The following LRP5 variants were observed in gnomAD, a reference collection of about 807,000 sequenced individuals.
LRP5 encodes low-density lipoprotein receptor-related protein 5.
In LRP5, 62 loss-of-function variants were observed where a neutral mutation model predicts 154.1. The ratio of observed to expected loss-of-function variants is 0.40; its 90% CI spans 0.33 to 0.50. The LOEUF is 0.50. Among genes scored for constraint, LRP5 ranks in the 20% least tolerant of loss-of-function variants. The pLI, the probability that LRP5 is intolerant of heterozygous loss-of-function variation, is 0.55. For synonymous variants in LRP5, 966 were observed against 1,011.5 expected (o/e 0.96, Z 0.85); for missense variants, 1,915 against 2,336.7 (o/e 0.82, Z 3.72).
At chr11:68,420,244 A>G (rs1372606650) in intron 13 of LRP5, among the ~76,000 whole-genome samples, 3 of 152,278 alleles carry the variant, frequency 2.0e-5, no homozygotes, top group Admixed American at 6.5e-5. Flanking sequence ...GACAGCCACC[A>G]TTCTACTTTG....
In LRP5 at chr11:68,382,445, C is replaced by A. The variant is rs184786008; in HGVS notation, c.1016-3871C>A. 3.4e-3 allele frequency among the ~76,000 whole-genome samples: 520 copies of A among 152,328 alleles called. 3 individuals carry two copies. Among genetic ancestry groups the A allele is most frequent in the African/African-American group, 0.012 (499 of 41,578 alleles). On this transcript the variant is annotated intron_variant, in intron 5 of 22. Transcript: ENST00000294304. ...GACCTCTCAATCTCAGCAGGCCCCC[C>A]ACACAGACCCCATAACCCTAGTCTG...
intron 1 of LRP5, among the ~76,000 whole-genome samples, chr11:68,314,796 AC>A (rs1229847394): frequency 3.3e-5 from 5 of 152,242 alleles, no homozygotes. Context: ...AGTGGGGTTA[AC>A]CAAGTGCTGT....
In LRP5 at chr11:68,315,019, C is replaced by CG. The variant is rs1263192402; in HGVS notation, c.91+2217dup. On this transcript the variant is annotated intron_variant, in intron 1 of 22. Coordinates refer to ENST00000294304, the MANE Select transcript of LRP5 (RefSeq NM_002335.4). ...AGGCATTTAGTAGAACTCACACACACGGGTGGGGGATGTAGGCAGGTGAGG... is the reference window on the plus strand; with the variant it reads ...AGGCATTTAGTAGAACTCACACACACGGGGTGGGGGATGTAGGCAGGTGAGG... 1.2e-3 allele frequency among the ~76,000 whole-genome samples: 182 copies of CG among 152,256 alleles called. 1 individual carries two copies. The highest frequency in any genetic ancestry group is 4.3e-3 in the African/African-American group (179 of 41,540).
At chr11:68,404,460 A>T (rs1335960822) in intron 8 of LRP5, 3 of 495,366 alleles carry the variant, frequency 6.1e-6, no homozygotes, top group Non-Finnish European at 8.0e-6. Context: ...GGTGGATGTG[A>T]TGTCAGATCC....
rs748779058 is a variant in LRP5 at position 68,425,086 on chromosome 11, C to T, written c.3237-16C>T. 1.1e-5 allele frequency: 17 copies of T among 1,612,486 alleles called. No individual in the cohort carries two copies. The highest frequency in any genetic ancestry group is 2.2e-5 in the East Asian group (1 of 44,870). On this transcript the variant is annotated splice_polypyrimidine_tract_variant and intron_variant, in intron 14 of 22. Coordinates refer to ENST00000294304, the MANE Select transcript of LRP5 (RefSeq NM_002335.4). ...GCCATCCCCACACCCGTCCTTCACC[C>T]GCCACCCTCCCGCAGGTACCTGTAC...
the LRP5 span, among the ~76,000 whole-genome samples, chr11:68,300,659 T>C: frequency 6.7e-6 from 1 of 149,310 alleles, no homozygotes; most frequent in Non-Finnish European, 1.5e-5. Flanking sequence ...GATGCCTCCC[T>C]CAGACCCACC....
chr11:68,316,158 T>C (rs2098593270), intron 1 of LRP5, among the ~76,000 whole-genome samples: 1 of 152,214 alleles, frequency 6.6e-6, no homozygotes, highest in African/African-American at 2.4e-5. Flanking sequence ...TGGTTCTGCC[T>C]GTTCTGGGCA....
the LRP5 span, among the ~76,000 whole-genome samples, chr11:68,303,389 A>G: frequency 2.6e-5 from 4 of 152,246 alleles, no homozygotes; most frequent in African/African-American, 9.6e-5. Context: ...GTTATGCCTT[A>G]GCAAATAATT....
rs373109551 is a variant in LRP5, at chr11:68,391,097, T to G, written c.1584+1045T>G. Among the ~76,000 whole-genome samples, 128 of 152,224 alleles carry G rather than the reference T, an allele frequency of 8.4e-4. No individual in the cohort carries two copies. In the South Asian group the frequency reaches 0.025, roughly 30 times the overall value. On this transcript the variant is annotated intron_variant, in intron 7 of 22. Transcript: ENST00000294304. ...CATTCTCCTGCCTCAGCCTCCCACATAGCTGGGATTACAAGTGCCCGCCAC... is the reference window on the plus strand; with the variant it reads ...CATTCTCCTGCCTCAGCCTCCCACAGAGCTGGGATTACAAGTGCCCGCCAC...
upstream of LRP5, among the ~76,000 whole-genome samples, chr11:68,309,619 T>C (rs188238595): frequency 2.0e-4 from 30 of 151,550 alleles, no homozygotes; most frequent in African/African-American, 6.3e-4. Flanking sequence ...ACATTTTCTA[T>C]GTAATCATTT....
At chr11:68,350,060 G>A (rs377557005) in intron 2 of LRP5, among the ~76,000 whole-genome samples, 2 of 152,152 alleles carry the variant, frequency 1.3e-5, no homozygotes, top group Non-Finnish European at 2.9e-5. Flanking sequence ...GGACCTCACC[G>A]GTTGAGGGGC....
chr11:68,428,256 A>G (rs908468756), intron 16 of LRP5, among the ~76,000 whole-genome samples: 4 of 151,944 alleles, frequency 2.6e-5, no homozygotes, highest in African/African-American at 9.7e-5. Flanking sequence ...CGGCCTCCCA[A>G]AGTGCTGGGA....
At chr11:68,318,777 G>A (rs2098594995) in intron 1 of LRP5, among the ~76,000 whole-genome samples, 1 of 152,202 alleles carries the variant, frequency 6.6e-6, no homozygotes, top group South Asian at 2.1e-4. Flanking sequence ...CCTGGTGGGG[G>A]CGGCACAGGC....
In LRP5 at chr11:68,446,985, C is replaced by T. The variant is rs371864201; in HGVS notation, c.4586+452C>T. 16 of 254,786 alleles carry T rather than the reference C, an allele frequency of 6.3e-5. No individual in the cohort carries two copies. The East Asian group carries it at 1.5e-3, about 24-fold the overall frequency. 15.8% of individuals were successfully genotyped at this position (254,786 alleles called of 1,614,324 possible). The stretch of plus-strand genomic sequence containing the variant: ...CCACCGTAGACCCCTAATCGTGTGA[C>T]GTCACCAGGATGGTCCGGGCTGCTC... On this transcript the variant is annotated intron_variant, in intron 22 of 22. Coordinates refer to ENST00000294304, the MANE Select transcript of LRP5 (RefSeq NM_002335.4).
At chr11:68,422,434 G>T (rs1465436525) in intron 13 of LRP5, among the ~76,000 whole-genome samples, 2 of 152,160 alleles carry the variant, frequency 1.3e-5, no homozygotes, top group Admixed American at 6.5e-5. Flanking sequence ...CGGGAACTTG[G>T]ATGCAGCTGT....
Position 68,386,790 on chromosome 11 carries a change from C to A in LRP5, c.1412+78C>A. The A allele has an allele frequency of 1.4e-6, 2 of 1,464,722 alleles. No homozygotes were observed. The highest frequency in any genetic ancestry group is 2.5e-5 in the South Asian group (2 of 78,850). 90.7% of individuals were successfully genotyped at this position (1,464,722 alleles called of 1,614,324 possible). ...GAGAGGGAGATTGACCTGGACCTGT[C>A]ATTCTGGGACACTGTCTTGCATCAG... On this transcript the variant is annotated intron_variant, in intron 6 of 22. Coordinates refer to ENST00000294304, the MANE Select transcript of LRP5 (RefSeq NM_002335.4). The surrounding 1 kb of genome is among the most constrained non-coding windows in gnomAD (Gnocchi z 7.9).
rs73515087 is a variant in LRP5 at position 68,415,093 on chromosome 11, C to G, written c.2827+1081C>G. 2.6e-3 allele frequency among the ~76,000 whole-genome samples: 392 copies of G among 152,348 alleles called. 1 individual carries two copies. The highest frequency in any genetic ancestry group is 9.3e-3 in the African/African-American group (386 of 41,582). ...TGACGGTGCGCTCGAAGTGCCACAG[C>G]TTCTGAAGCCAGGCAGGACTCAGGC... On this transcript the variant is annotated intron_variant, in intron 12 of 22. Transcript: ENST00000294304.
rs2098676434 is a variant in LRP5 at position 68,438,667 on chromosome 11, C to T, written c.4333C>T (p.His1445Tyr). The T allele has an allele frequency of 6.2e-7, 1 of 1,612,608 alleles. No homozygotes were observed. The highest frequency in any genetic ancestry group is 1.3e-5 in the African/African-American group (1 of 74,940). The change falls in exon 20 of 23, where the codon CAT (histidine) becomes TAT (tyrosine). Residue 1445 changes from histidine to tyrosine, a missense_variant. Coordinates refer to ENST00000294304, the MANE Select transcript of LRP5 (RefSeq NM_002335.4). ...TTTCATAGCCCCGGGCGGTTCCCAG[C>T]ATGGCCCCTTCACAGGTAAGGAGCC... ...LNFIAPGGSQ[H>Y]GPFTGIACGK... is the part of the protein sequence containing the mutation.
intron 1 of LRP5, among the ~76,000 whole-genome samples, chr11:68,332,693 G>C (rs2098603573): frequency 6.6e-6 from 1 of 152,206 alleles, no homozygotes; most frequent in South Asian, 2.1e-4. Context: ...GGTCTACTCT[G>C]GTGCGGTGGG....
Sources: gnomAD v4.1 joint callset for allele counts (sites outside exome capture counted in the v4.1 genomes callset) on GRCh38, gnomAD v4.1.1 for gene constraint, Gnocchi (gnomAD v3.1) non-coding constraint, MANE v1.5 for transcripts, NCBI Gene and HGNC (gene_info 2026-07-23, HGNC 2026-07-21) for gene names.